Variants in AZIN2 observed in about 807,000 individuals in gnomAD.
AZIN2 encodes the protein ODC antizyme inhibitor-2.
Under a neutral mutation model 47.8 loss-of-function variants are expected in AZIN2, and 28 were observed. The ratio of observed to expected loss-of-function variants is 0.59; its 90% CI spans 0.43 to 0.80. The LOEUF (loss-of-function observed/expected upper bound fraction) is 0.80. AZIN2 is among the 30% of genes least tolerant of loss of function. AZIN2 has a pLI of 0.00. For missense variants in AZIN2, 535 were observed against 582.5 expected, an observed-to-expected ratio of 0.92 and a Z score of 0.84; for synonymous variants, 221 against 239.4, an observed-to-expected ratio of 0.92 and a Z score of 0.71.
chr1:33,092,130 G>C lies in AZIN2; in HGVS notation c.360G>C (p.Gln120His), dbSNP rs141547475. 1.1e-5 allele frequency: 17 copies of C among 1,614,084 alleles called. No homozygotes were observed. In the African/African-American group the frequency reaches 2.1e-4, roughly 20 times the overall value. The part of the protein sequence containing the change: ...ICANPCKQIA[Q>H]IKYAAKHGIQ... ...CCAACCCCTGTAAGCAAATTGCACA[G>C]ATCAAATATGCTGCCAAGCATGGGA... Residue 120 changes from glutamine to histidine, a missense_variant, in exon 6 of 12, where the codon CAG becomes CAC. Around this residue, in one of 3 missense-constraint regions of AZIN2, gnomAD observed 409 missense variants for 429.0 expected, o/e 0.95. Coordinates refer to ENST00000294517, the MANE Select transcript of AZIN2 (RefSeq NM_052998.4).
the AZIN2 span, chr1:33,165,550 T>G: frequency 6.2e-7 from 1 of 1,609,386 alleles, no homozygotes; most frequent in Admixed American, 1.7e-5. The surrounding 1 kb of genome is among the most constrained non-coding windows in gnomAD (Gnocchi z 4.0). Context: ...GGCCTGAAGT[T>G]GGTCCTTCAG....
At chr1:33,099,120 G>T (rs1643450093) in intron 10 of AZIN2, among the ~76,000 whole-genome samples, 1 of 152,068 alleles carries the variant, frequency 6.6e-6, no homozygotes, top group Non-Finnish European at 1.5e-5. Context: ...AACTTTCCTT[G>T]CATGCCTTGA....
chr1:33,138,965 TA>T, the AZIN2 span, among the ~76,000 whole-genome samples: 3 of 152,192 alleles, frequency 2.0e-5, no homozygotes, highest in African/African-American at 4.8e-5. Context: ...CATATTTGTG[TA>T]AAAGAAAATG....
chr1:33,133,167 C>A, the AZIN2 span, among the ~76,000 whole-genome samples: 1 of 152,220 alleles, frequency 6.6e-6, no homozygotes, highest in Non-Finnish European at 1.5e-5. Flanking sequence ...ATGGACCTTC[C>A]TTGACCCAAG....
At chr1:33,150,733 G>A in the AZIN2 span, among the ~76,000 whole-genome samples, 1 of 152,184 alleles carries the variant, frequency 6.6e-6, no homozygotes, top group Admixed American at 6.5e-5. Context: ...GGGTCGGGAG[G>A]TGGGAGTGGG....
At chr1:33,099,792 G>A (rs1352146929) in intron 10 of AZIN2, among the ~76,000 whole-genome samples, 1 of 152,180 alleles carries the variant, frequency 6.6e-6, no homozygotes, top group Non-Finnish European at 1.5e-5. Context: ...CCACGTGAGC[G>A]CCTCCAGAGT....
In AZIN2 at chr1:33,122,570, G is replaced by A. The variant is rs147852424; in HGVS notation, c.*2388G>A. 2.8e-3 allele frequency among the ~76,000 whole-genome samples: 423 copies of A among 152,282 alleles called. 1 individual carries two copies. The highest frequency in any genetic ancestry group is 9.7e-3 in the African/African-American group (405 of 41,552). On this transcript the variant is annotated 3_prime_UTR_variant, in exon 12 of 12. Transcript: ENST00000294517. ...TAAGGGGCTTCAGGCTTGTGCAGGCGAATCTAAGCAGGGGTCTCCTGGACC... is the reference window on the plus strand; with the variant it reads ...TAAGGGGCTTCAGGCTTGTGCAGGCAAATCTAAGCAGGGGTCTCCTGGACC...
the AZIN2 span, among the ~76,000 whole-genome samples, chr1:33,152,092 C>G: frequency 6.6e-5 from 10 of 152,314 alleles, no homozygotes; most frequent in South Asian, 1.9e-3. Context: ...CACGACAGAC[C>G]CAGGGGCACA....
rs745396664 is a variant in AZIN2, at chr1:33,117,970, C to T, written c.1098C>T (p.Cys366=). The T allele has an allele frequency of 1.5e-5, 24 of 1,612,518 alleles. No homozygotes were observed. The highest frequency in any genetic ancestry group is 4.5e-5 in the East Asian group (2 of 44,870). The change falls in exon 11 of 12, where the codon TGC becomes TGT. Residue 366 remains cysteine, a synonymous_variant. Transcript: ENST00000294517. ...LWGPAVDGCD[C]VAEGLWLPQL... ...GCCCGGCGGTTGATGGCTGTGATTGCGTGGCTGAGGGCCTGTGGCTGCCGC... is the reference window on the plus strand; with the variant it reads ...GCCCGGCGGTTGATGGCTGTGATTGTGTGGCTGAGGGCCTGTGGCTGCCGC...
At chr1:33,148,152 G>A in the AZIN2 span, among the ~76,000 whole-genome samples, 5 of 152,190 alleles carry the variant, frequency 3.3e-5, no homozygotes, top group African/African-American at 1.2e-4. Flanking sequence ...CTTAACAACA[G>A]CTGGGATCCA....
chr1:33,094,020 A>G (rs1170576917), intron 7 of AZIN2, among the ~76,000 whole-genome samples: 2 of 152,200 alleles, frequency 1.3e-5, no homozygotes, highest in African/African-American at 4.8e-5. Context: ...GGTGTGAGCC[A>G]CTGCACCCAG....
the AZIN2 span, chr1:33,147,233 T>C: frequency 1.2e-6 from 2 of 1,614,008 alleles, no homozygotes; most frequent in Non-Finnish European, 1.7e-6. The surrounding 1 kb of genome is among the most constrained non-coding windows in gnomAD (Gnocchi z 8.1). Flanking sequence ...TTGGCGTGGC[T>C]CTGGCCAGGG....
the AZIN2 span, among the ~76,000 whole-genome samples, chr1:33,150,927 G>A: frequency 6.6e-6 from 1 of 152,128 alleles, no homozygotes; most frequent in African/African-American, 2.4e-5. Flanking sequence ...GAGTGCTGGG[G>A]GAACCTAGGC....
intron 7 of AZIN2, 53 bp downstream of exon 7, chr1:33,093,469 T>G (rs1206852955): frequency 6.3e-7 from 1 of 1,588,842 alleles, no homozygotes; most frequent in Non-Finnish European, 8.6e-7. Flanking sequence ...CCCTGCCTCT[T>G]TCCCAGGAAT....
At chr1:33,136,685 G>A in the AZIN2 span, among the ~76,000 whole-genome samples, 4 of 151,532 alleles carry the variant, frequency 2.6e-5, no homozygotes, top group Non-Finnish European at 5.9e-5. Context: ...GGCTGTTTCC[G>A]GTTCCCCAAC....
chr1:33,165,585 C>T, the AZIN2 span: 17 of 1,592,660 alleles, frequency 1.1e-5, no homozygotes, highest in East Asian at 2.5e-4. This position sits in a 1 kb window ranked among gnomAD's most constrained non-coding sequence, Gnocchi z 4.0. Context: ...CACACAGGGC[C>T]GGGATGGGGG....
At chr1:33,096,904 C>G in intron 9 of AZIN2, 35 bp downstream of exon 9, 2 of 1,613,202 alleles carry the variant, frequency 1.2e-6, no homozygotes, top group Non-Finnish European at 1.7e-6. Flanking sequence ...CCCTGTTCTC[C>G]CCTGAAGCTT....
Position 33,120,146 on chromosome 1 carries a change from C to T in AZIN2, c.1347C>T (p.Cys449=), listed in dbSNP as rs769984801. Residue 449 remains cysteine, a synonymous_variant, in exon 12 of 12, where the codon TGC becomes TGT. Transcript: ENST00000294517. The part of the protein sequence containing the change: ...SCGWEITDTL[C]VGPVFTPASI... ...GCTGGGAGATCACAGACACCCTGTG[C>T]GTGGGCCCTGTCTTCACCCCAGCGA... is the stretch of plus-strand genomic sequence containing the variant. 2.7e-5 allele frequency: 43 copies of T among 1,613,338 alleles called. No individual in the cohort carries two copies. The African/African-American group carries it at 3.7e-4, about 14-fold the overall frequency.
the AZIN2 span, among the ~76,000 whole-genome samples, chr1:33,155,551 G>A: frequency 1.3e-5 from 2 of 152,188 alleles, no homozygotes; most frequent in Admixed American, 6.5e-5. Context: ...TGGCCAGTGA[G>A]CTTAGTAGGT....
Sources: gnomAD v4.1 joint callset for allele counts (sites outside exome capture counted in the v4.1 genomes callset) on GRCh38, gnomAD v4.1.1 for gene constraint, gnomAD v4.1.1 regional missense constraint, Gnocchi (gnomAD v3.1) non-coding constraint, MANE v1.5 for transcripts, NCBI Gene and HGNC (gene_info 2026-07-23, HGNC 2026-07-21) for gene names.